The following MYSM1 variants were observed in gnomAD, a reference collection of about 807,000 sequenced individuals.
MYSM1 encodes the protein deubiquitinase MYSM1.
A neutral mutation model predicts 116.0 loss-of-function variants in MYSM1; 51 were observed. That is an observed-to-expected ratio of 0.44 (90% CI 0.35 to 0.56). MYSM1 has a LOEUF of 0.56. Among genes scored for constraint, MYSM1 ranks in the 20% least tolerant of loss-of-function variants. The pLI is 0.00. For synonymous variants in MYSM1, 313 were observed against 315.2 expected (o/e 0.99, Z 0.07); for missense variants, 900 against 974.9 (o/e 0.92, Z 1.02).
At position 58,695,170 on chromosome 1, in the gene MYSM1, G is replaced by C; in HGVS notation, c.106C>G (p.His36Asp). The C allele has an allele frequency of 6.2e-7, 1 of 1,605,254 alleles. No individual in the cohort carries two copies. The highest frequency in any genetic ancestry group is 8.5e-7 in the Non-Finnish European group (1 of 1,172,656). ...ENTASVLQKD[H>D]YLDSSWRTEN... ...GTTCTCCAAGATGAATCAAGATAGT[G>C]ATCTTTTTGTAAAACTGATGCTGTA... Residue 36 changes from histidine (H) to aspartate (D), a missense_variant, in exon 2 of 20, where the codon CAC becomes GAC. By Grantham distance (81) the His-to-Asp change is moderately conservative. Coordinates refer to ENST00000472487, the MANE Select transcript of MYSM1 (RefSeq NM_001085487.3).
In MYSM1 at chr1:58,660,038, C is replaced by A; in HGVS notation, c.2446G>T (p.Gly816Ter). 6.2e-7 allele frequency: 1 copy of A among 1,607,602 alleles called. No homozygotes were observed. The highest frequency in any genetic ancestry group is 2.2e-5 in the East Asian group (1 of 44,708). Reference sequence around the variant, plus strand: ...TTTGTACAGTTCTCTTCGGTTACTCCATTCTCTTGGTTGCTTTTATAATTG... The same window carrying A: ...TTTGTACAGTTCTCTTCGGTTACTCAATTCTCTTGGTTGCTTTTATAATTG... ...LSNYKSNQEN[G>*]VTEENCTKEL... The change falls in exon 20 of 20, where the codon GGA (glycine) becomes TGA (stop). Residue 816 changes from glycine to a stop codon, truncating the protein, a stop_gained. Transcript: ENST00000472487. LOFTEE classifies it high-confidence loss of function.
At chr1:58,673,491 C>T (rs530343134) in intron 11 of MYSM1, 82 bp downstream of exon 11, 3 of 1,137,480 alleles carry the variant, frequency 2.6e-6, no homozygotes, top group South Asian at 1.3e-5. Context: ...GAAACAAGTA[C>T]AATACATATG....
At chr1:58,696,954 A>C (rs1644984167) in intron 1 of MYSM1, among the ~76,000 whole-genome samples, 1 of 152,238 alleles carries the variant, frequency 6.6e-6, no homozygotes, top group South Asian at 2.1e-4. Context: ...TCTGGATATA[A>C]GAAAGATTAC....
chr1:58,695,834 T>C (rs1055684052), intron 1 of MYSM1, among the ~76,000 whole-genome samples: 1 of 152,328 alleles, frequency 6.6e-6, no homozygotes, highest in South Asian at 2.1e-4. Context: ...ATTATCTCAC[T>C]CGTTTCATTA....
chr1:58,665,429 T>A (rs2100596961), intron 17 of MYSM1, 70 bp downstream of exon 17: 3 of 1,204,564 alleles, frequency 2.5e-6, no homozygotes, highest in Non-Finnish European at 3.5e-6. Context: ...CAGTTGCAAA[T>A]CTTTTGATTT....
intron 8 of MYSM1, among the ~76,000 whole-genome samples, chr1:58,677,774 C>T (rs2100636807): frequency 6.6e-6 from 1 of 152,186 alleles, no homozygotes; most frequent in South Asian, 2.1e-4. Context: ...GATTATTGTG[C>T]TGAGTTACAC....
At chr1:58,688,546 T>C (rs1644860846) in intron 6 of MYSM1, among the ~76,000 whole-genome samples, 1 of 151,652 alleles carries the variant, frequency 6.6e-6, no homozygotes, top group Non-Finnish European at 1.5e-5. Context: ...GATTTCAGTG[T>C]AATAGACATT....
At position 58,659,778 on chromosome 1, in the gene MYSM1, C is replaced by T. The variant is rs1319287516; in HGVS notation, c.*219G>A. ...ATTGCTCAGTAAAGGACTAGAACAC[C>T]GTGGTGGACCCTGGTTTGCAGAACA... On this transcript the variant is annotated 3_prime_UTR_variant, in exon 20 of 20. Transcript: ENST00000472487. The T allele has an allele frequency of 2.5e-5, 9 of 361,466 alleles. No homozygotes were observed. Among genetic ancestry groups the T allele is most frequent in the Admixed American group, 9.1e-5 (2 of 21,924 alleles). 22.4% of individuals were successfully genotyped at this position (361,466 alleles called of 1,614,324 possible).
chr1:58,670,845 G>A (rs556386199), intron 12 of MYSM1, among the ~76,000 whole-genome samples: 3 of 152,190 alleles, frequency 2.0e-5, no homozygotes, highest in Non-Finnish European at 4.4e-5. Context: ...AGGCTAAAAT[G>A]AGAAAAGTGG....
In MYSM1 at chr1:58,658,958, A is replaced by AACACACACACACACACACACACAC. The variant is rs57899209; in HGVS notation, c.*1015_*1038dup. On this transcript the variant is annotated 3_prime_UTR_variant, in exon 20 of 20. Transcript: ENST00000472487. The stretch of plus-strand genomic sequence containing the variant: ...TTTTTATCATTTTAAAGGGCTGTAA[A>AACACACACACACACACACACACAC]ACACACACACACACACACACACACA... 9 of 137,968 alleles carry AACACACACACACACACACACACAC rather than the reference A, an allele frequency of 6.5e-5. No homozygotes were observed. Among genetic ancestry groups the AACACACACACACACACACACACAC allele is most frequent in the East Asian group, 2.1e-4 (1 of 4,666 alleles). 8.5% of individuals were successfully genotyped at this position (137,968 alleles called of 1,614,324 possible). A position where few individuals can be genotyped will look rare whatever the true frequency, so the allele number is the denominator to read the frequency against.
intron 17 of MYSM1, among the ~76,000 whole-genome samples, chr1:58,662,855 C>G (rs1026741544): frequency 6.6e-6 from 1 of 152,082 alleles, no homozygotes; most frequent in South Asian, 2.1e-4. Context: ...GAGTGACACA[C>G]TATAGTACAC....
intron 8 of MYSM1, among the ~76,000 whole-genome samples, chr1:58,678,992 G>T (rs1328224700): frequency 6.6e-6 from 1 of 152,146 alleles, no homozygotes; most frequent in Non-Finnish European, 1.5e-5. Flanking sequence ...TTGTCAAAAG[G>T]ATTGGAGATG....
At position 58,657,607 on chromosome 1, in the gene MYSM1, C is replaced by T. The variant is rs1228972208; in HGVS notation, c.*2390G>A. ...GAAAGAAGTAACCAAGTTTAACATA[C>T]TAAAATTATACTGTCAAAAAAATGG... On this transcript the variant is annotated 3_prime_UTR_variant, in exon 20 of 20. Coordinates refer to ENST00000472487, the MANE Select transcript of MYSM1 (RefSeq NM_001085487.3). 6.6e-6 allele frequency: 1 copy of T among 152,000 alleles called. No homozygotes were observed. Among genetic ancestry groups the T allele is most frequent in the African/African-American group, 2.4e-5 (1 of 41,392 alleles). 9.4% of individuals were successfully genotyped at this position (152,000 alleles called of 1,614,324 possible).
chr1:58,669,106 C>T, intron 12 of MYSM1, 68 bp from the exon 13 acceptor site: 1 of 1,213,638 alleles, frequency 8.2e-7, no homozygotes, highest in Non-Finnish European at 1.2e-6. Context: ...ATTTGTAAAT[C>T]TGAAAGTGTA....
chr1:58,661,338 T>A (rs1644388604), intron 18 of MYSM1, 68 bp downstream of exon 18: 1 of 1,364,060 alleles, frequency 7.3e-7, no homozygotes, highest in Admixed American at 1.7e-5. Context: ...TTAACTTGGG[T>A]TTTCTCTGAA....
chr1:58,699,437 TTGC>T (rs1257448722), intron 1 of MYSM1, among the ~76,000 whole-genome samples: 1 of 152,118 alleles, frequency 6.6e-6, no homozygotes, highest in Non-Finnish European at 1.5e-5. Context: ...CAAGGTCACA[TTGC>T]TATTAACTGG....
At chr1:58,667,481 T>C (rs1644491791) in intron 15 of MYSM1, among the ~76,000 whole-genome samples, 1 of 152,204 alleles carries the variant, frequency 6.6e-6, no homozygotes. Context: ...ATAATACCTG[T>C]ACAAAGGTAT....
At position 58,656,263 on chromosome 1, in the gene MYSM1, A is replaced by G. The variant is rs937961792; in HGVS notation, c.*3734T>C. 1 of 152,256 alleles carries G rather than the reference A, an allele frequency of 6.6e-6. No individual in the cohort carries two copies. Among genetic ancestry groups the G allele is most frequent in the Non-Finnish European group, 1.5e-5 (1 of 68,084 alleles). 9.4% of individuals were successfully genotyped at this position (152,256 alleles called of 1,614,324 possible). A position where few individuals can be genotyped will look rare whatever the true frequency, so the allele number is the denominator to read the frequency against. The stretch of plus-strand genomic sequence containing the variant: ...TAGGGGCAGGGAAGGAATGGTATGG[A>G]CAGAAGACTGGGAGCAGCATTAAAT... On this transcript the variant is annotated 3_prime_UTR_variant, in exon 20 of 20. Coordinates refer to ENST00000472487, the MANE Select transcript of MYSM1 (RefSeq NM_001085487.3).
chr1:58,679,898 C>G (rs546897981), intron 8 of MYSM1, among the ~76,000 whole-genome samples: 1 of 151,974 alleles, frequency 6.6e-6, no homozygotes, highest in African/African-American at 2.4e-5. Context: ...CGTGGTGGCA[C>G]GCACCTGTAG....
Sources: gnomAD v4.1 joint callset for allele counts (sites outside exome capture counted in the v4.1 genomes callset) on GRCh38, gnomAD v4.1.1 for gene constraint, MANE v1.5 for transcripts, NCBI Gene and HGNC (gene_info 2026-07-23, HGNC 2026-07-21) for gene names.